Variants in PAX5 observed in about 807,000 individuals in gnomAD.
The protein encoded by PAX5 is paired box protein Pax-5.
Under a neutral mutation model 43.7 loss-of-function variants are expected in PAX5, and 9 were observed. The observed-to-expected ratio is 0.21, with a 90% CI of 0.12 to 0.36. The LOEUF (loss-of-function observed/expected upper bound fraction) is 0.36. Ranked by LOEUF, PAX5 falls within the 10% of genes least tolerant of loss-of-function variation. The pLI is 1.00. For missense variants in PAX5, 383 were observed against 532.7 expected, an observed-to-expected ratio of 0.72 and a Z score of 2.77; for synonymous variants, 228 against 214.3, an observed-to-expected ratio of 1.06 and a Z score of -0.56.
At chr9:37,031,788 A>G (rs1841013103) in intron 1 of PAX5, among the ~76,000 whole-genome samples, 2 of 152,212 alleles carry the variant, frequency 1.3e-5, no homozygotes, top group African/African-American at 4.8e-5. Flanking sequence ...TTTTGGGCTT[A>G]GAGCCAGAAG....
At chr9:36,912,378 C>T (rs188873317) in intron 7 of PAX5, among the ~76,000 whole-genome samples, 10 of 152,312 alleles carry the variant, frequency 6.6e-5, no homozygotes, top group African/African-American at 2.4e-4. Context: ...GAAACTTGGG[C>T]CCAGAAATTA....
intron 5 of PAX5, among the ~76,000 whole-genome samples, chr9:36,968,507 C>A (rs565809231): frequency 1.3e-5 from 2 of 152,332 alleles, no homozygotes; most frequent in African/African-American, 4.8e-5. Context: ...ATAGGAAGGG[C>A]CTTCGGAGGC....
intron 5 of PAX5, among the ~76,000 whole-genome samples, chr9:36,988,275 A>G (rs1479945881): frequency 6.6e-6 from 1 of 152,156 alleles, no homozygotes; most frequent in Non-Finnish European, 1.5e-5. Flanking sequence ...AGAAACATGG[A>G]GCTGAAATTC....
intron 1 of PAX5, among the ~76,000 whole-genome samples, chr9:37,026,286 G>A (rs995375912): frequency 2.0e-5 from 3 of 152,368 alleles, no homozygotes; most frequent in African/African-American, 7.2e-5. Flanking sequence ...CGCCGCCGGA[G>A]CCTTGAAAGG....
At chr9:36,939,406 C>T (rs1040119105) in intron 6 of PAX5, among the ~76,000 whole-genome samples, 1 of 152,118 alleles carries the variant, frequency 6.6e-6, no homozygotes. Context: ...CCTGGGTAGG[C>T]CCTGCTGAGA....
chr9:36,901,488 G>A (rs1169416108), intron 7 of PAX5, among the ~76,000 whole-genome samples: 1 of 152,080 alleles, frequency 6.6e-6, no homozygotes, highest in African/African-American at 2.4e-5. Flanking sequence ...GATGAGCCAA[G>A]AGCCTAGCTT....
At chr9:36,851,310 G>A (rs1187374682) in intron 8 of PAX5, among the ~76,000 whole-genome samples, 1 of 152,140 alleles carries the variant, frequency 6.6e-6, no homozygotes, top group African/African-American at 2.4e-5. Flanking sequence ...GTGGGGCTGG[G>A]GGTAGAAGAA....
At chr9:36,919,811 G>A (rs1212683898) in intron 7 of PAX5, among the ~76,000 whole-genome samples, 2 of 125,214 alleles carry the variant, frequency 1.6e-5, no homozygotes, top group Non-Finnish European at 3.1e-5. Flanking sequence ...CTGCACTCCA[G>A]CCTGGGCAAC....
chr9:36,927,794 C>G (rs754345908), intron 6 of PAX5, among the ~76,000 whole-genome samples: 1 of 151,894 alleles, frequency 6.6e-6, no homozygotes, highest in Non-Finnish European at 1.5e-5. Flanking sequence ...CTGCAACCTC[C>G]GCCCCCCGGG....
intron 5 of PAX5, among the ~76,000 whole-genome samples, chr9:36,977,600 G>C (rs1835552622): frequency 6.6e-6 from 1 of 152,022 alleles, no homozygotes; most frequent in Admixed American, 6.5e-5. Flanking sequence ...GCACCATCTT[G>C]GTTCACTGCA....
chr9:36,949,382 C>T (rs916498864), intron 6 of PAX5, among the ~76,000 whole-genome samples: 2 of 151,900 alleles, frequency 1.3e-5, no homozygotes, highest in African/African-American at 4.8e-5. Context: ...GTTATTATCC[C>T]CATTTTACTT....
chr9:36,926,919 G>A (rs1236432751), intron 6 of PAX5, among the ~76,000 whole-genome samples: 5 of 152,190 alleles, frequency 3.3e-5, no homozygotes, highest in Non-Finnish European at 7.3e-5. Context: ...AATGTATATG[G>A]GGCGTGAAGT....
intron 8 of PAX5, among the ~76,000 whole-genome samples, chr9:36,878,031 G>T (rs528073349): frequency 2.0e-5 from 3 of 152,290 alleles, no homozygotes; most frequent in African/African-American, 7.2e-5. Context: ...GGAATGCCGG[G>T]AACGAACCAC....
chr9:37,000,701 T>C (rs768743613), intron 5 of PAX5, among the ~76,000 whole-genome samples: 2 of 152,248 alleles, frequency 1.3e-5, no homozygotes, highest in Non-Finnish European at 2.9e-5. Flanking sequence ...TCTGCTTACA[T>C]ATCCCCAGAG....
chr9:36,891,718 T>G (rs915516466), intron 7 of PAX5, among the ~76,000 whole-genome samples: 1 of 152,214 alleles, frequency 6.6e-6, no homozygotes, highest in Non-Finnish European at 1.5e-5. Context: ...GTTTGGGTGG[T>G]GTTATTGACT....
Position 36,835,468 on chromosome 9 carries a change from A to T in PAX5, c.*5092T>A, listed in dbSNP as rs985905378. 3.9e-5 allele frequency: 9 copies of T among 232,518 alleles called. No individual in the cohort carries two copies. Among genetic ancestry groups the T allele is most frequent in the Non-Finnish European group, 6.8e-5 (8 of 117,654 alleles). 14.4% of individuals were successfully genotyped at this position (232,518 alleles called of 1,614,324 possible). On this transcript the variant is annotated 3_prime_UTR_variant, in exon 10 of 10. Transcript: ENST00000358127. ...TGGGACCTGGCGCCACACGAGGTGC[A>T]GCCGAGCTGACAGTGGGGAAGTACA...
intron 5 of PAX5, among the ~76,000 whole-genome samples, chr9:36,992,312 A>G (rs1203491985): frequency 6.6e-6 from 1 of 152,210 alleles, no homozygotes; most frequent in African/African-American, 2.4e-5. Context: ...TTCATTCCCA[A>G]TCAATAGCAT....
At chr9:37,033,279 C>G (rs913862486) in intron 1 of PAX5, among the ~76,000 whole-genome samples, 1 of 152,328 alleles carries the variant, frequency 6.6e-6, no homozygotes, top group African/African-American at 2.4e-5. Flanking sequence ...AATGCACATG[C>G]TAAACACCAC....
At chr9:36,887,660 T>G (rs1005329512) in intron 7 of PAX5, among the ~76,000 whole-genome samples, 1 of 152,118 alleles carries the variant, frequency 6.6e-6, no homozygotes, top group Admixed American at 6.5e-5. Flanking sequence ...ATCAAAGACC[T>G]AAATGTAGGA....
Sources: allele counts gnomAD v4.1 joint callset (sites outside exome capture counted in the v4.1 genomes callset), GRCh38; gene constraint gnomAD v4.1.1; transcripts MANE v1.5; gene names NCBI Gene and HGNC (gene_info 2026-07-23, HGNC 2026-07-21).